Variants in SYNDIG1L observed in about 807,000 individuals in gnomAD.
The protein encoded by SYNDIG1L is synapse differentiation-inducing gene protein 1-like.
SYNDIG1L carries 13 observed loss-of-function variants against 20.1 expected under a neutral mutation model. That is an observed-to-expected ratio of 0.65 (90% CI 0.42 to 1.03). SYNDIG1L has a LOEUF of 1.03. Ranked by LOEUF, SYNDIG1L falls within the 50% of genes least tolerant of loss-of-function variation. SYNDIG1L has a pLI of 0.00. For missense variants in SYNDIG1L, 294 were observed against 305.1 expected, an observed-to-expected ratio of 0.96 and a Z score of 0.27; for synonymous variants, 128 against 129.3, an observed-to-expected ratio of 0.99 and a Z score of 0.07.
intron 1 of SYNDIG1L, among the ~76,000 whole-genome samples, chr14:74,421,132 T>A (rs2086218090): frequency 6.6e-6 from 1 of 152,140 alleles, no homozygotes; most frequent in Admixed American, 6.5e-5. Flanking sequence ...TGAATTCATA[T>A]CCTCAGGCAG....
At chr14:74,420,379 T>G (rs1595198240) in intron 1 of SYNDIG1L, among the ~76,000 whole-genome samples, 9 of 113,924 alleles carry the variant, frequency 7.9e-5, no homozygotes, top group East Asian at 2.4e-4. Context: ...TGTGACAGAG[T>G]GAGACTCTGT....
At chr14:74,438,673 T>A in the SYNDIG1L span, among the ~76,000 whole-genome samples, 1 of 152,196 alleles carries the variant, frequency 6.6e-6, no homozygotes, top group African/African-American at 2.4e-5. Context: ...CCCTGGGCAA[T>A]CTTACATTTC....
At chr14:74,432,690 T>C in the SYNDIG1L span, among the ~76,000 whole-genome samples, 2 of 152,216 alleles carry the variant, frequency 1.3e-5, no homozygotes, top group Non-Finnish European at 2.9e-5. Flanking sequence ...ATCCTGATTC[T>C]ACTAAAAATA....
At chr14:74,478,432 T>C in the SYNDIG1L span, among the ~76,000 whole-genome samples, 3 of 152,216 alleles carry the variant, frequency 2.0e-5, no homozygotes, top group Admixed American at 6.5e-5. Context: ...ATTTCCAAAA[T>C]AGTTTAACAC....
intron 1 of SYNDIG1L, among the ~76,000 whole-genome samples, chr14:74,417,756 G>C (rs1476940653): frequency 1.3e-5 from 2 of 152,192 alleles, no homozygotes; most frequent in Non-Finnish European, 2.9e-5. Context: ...GGAGGGTTGT[G>C]ATATGTGGTA....
At position 74,423,686 on chromosome 14, in the gene SYNDIG1L, A is replaced by G. The variant is rs1307392254; in HGVS notation, c.-58+2226T>C. On this transcript the variant is annotated intron_variant, in intron 1 of 3. Transcript: ENST00000331628. ...ATCAGAGAAACTCATTTTGATTGAT[A>G]TATATATACACACACACACACACAC... 3.7e-4 allele frequency among the ~76,000 whole-genome samples: 11 copies of G among 29,658 alleles called. 1 individual carries two copies. Among genetic ancestry groups the G allele is most frequent in the Admixed American group, 3.2e-3 (9 of 2,782 alleles). 19.5% of individuals were successfully genotyped at this position (29,658 alleles called of 152,430 possible).
chr14:74,451,665 A>G, the SYNDIG1L span, among the ~76,000 whole-genome samples: 3 of 152,238 alleles, frequency 2.0e-5, no homozygotes, highest in African/African-American at 7.2e-5. Flanking sequence ...TTTTCAAATC[A>G]TATCTGATAA....
chr14:74,442,294 C>T, the SYNDIG1L span, among the ~76,000 whole-genome samples: 1 of 152,130 alleles, frequency 6.6e-6, no homozygotes, highest in Admixed American at 6.6e-5. Flanking sequence ...GTAACTGTGA[C>T]AAGTGCTACC....
the SYNDIG1L span, among the ~76,000 whole-genome samples, chr14:74,454,341 G>C: frequency 1.7e-4 from 26 of 152,200 alleles, no homozygotes; most frequent in African/African-American, 6.3e-4. Context: ...TTGATAAGCA[G>C]TTAGAATGTT....
chr14:74,440,097 G>A, the SYNDIG1L span, among the ~76,000 whole-genome samples: 2 of 151,784 alleles, frequency 1.3e-5, no homozygotes, highest in African/African-American at 2.4e-5. Flanking sequence ...AATGCATCTC[G>A]GGCTGGGCGC....
At chr14:74,422,701 C>G in intron 1 of SYNDIG1L, among the ~76,000 whole-genome samples, 1 of 111,324 alleles carries the variant, frequency 9.0e-6, no homozygotes, top group South Asian at 3.1e-4. Flanking sequence ...TTTTTTCTTT[C>G]TTTCTTTCCT....
chr14:74,475,184 T>C, the SYNDIG1L span, among the ~76,000 whole-genome samples: 15 of 151,806 alleles, frequency 9.9e-5, no homozygotes, highest in South Asian at 1.3e-3. Flanking sequence ...CTGAGCAGTT[T>C]CCATGGCTGC....
chr14:74,451,148 T>A, the SYNDIG1L span, among the ~76,000 whole-genome samples: 1 of 152,188 alleles, frequency 6.6e-6, no homozygotes, highest in East Asian at 1.9e-4. Context: ...CAAATTTAGA[T>A]GGCTGACACT....
chr14:74,433,587 G>C, the SYNDIG1L span, among the ~76,000 whole-genome samples: 3 of 152,066 alleles, frequency 2.0e-5, no homozygotes, highest in African/African-American at 7.2e-5. Context: ...GTTTCACCGT[G>C]TTGCCCAGGG....
chr14:74,468,916 T>G, the SYNDIG1L span, among the ~76,000 whole-genome samples: 9 of 152,266 alleles, frequency 5.9e-5, no homozygotes, highest in East Asian at 1.9e-4. Context: ...CCAAATAACC[T>G]CACTGTATCT....
the SYNDIG1L span, among the ~76,000 whole-genome samples, chr14:74,431,461 A>G: frequency 1.3e-5 from 2 of 152,184 alleles, no homozygotes; most frequent in Non-Finnish European, 2.9e-5. Flanking sequence ...AGGACATGAA[A>G]AAGAGTCCAT....
At chr14:74,408,697 T>C (rs2086105697) in intron 2 of SYNDIG1L, among the ~76,000 whole-genome samples, 1 of 152,114 alleles carries the variant, frequency 6.6e-6, no homozygotes, top group South Asian at 2.1e-4. Flanking sequence ...TTAAATTACA[T>C]GGAGCAATAC....
chr14:74,432,487 T>C, the SYNDIG1L span, among the ~76,000 whole-genome samples: 2 of 152,184 alleles, frequency 1.3e-5, no homozygotes, highest in Admixed American at 1.3e-4. Flanking sequence ...ATGAGAATGT[T>C]AACAGCTAGA....
the SYNDIG1L span, among the ~76,000 whole-genome samples, chr14:74,445,226 G>A: frequency 9.9e-5 from 15 of 152,080 alleles, no homozygotes; most frequent in Non-Finnish European, 1.9e-4. Context: ...ATGATTGTAA[G>A]CTTCCTGAGG....
Sources: allele counts gnomAD v4.1 joint callset (sites outside exome capture counted in the v4.1 genomes callset), GRCh38; gene constraint gnomAD v4.1.1; transcripts MANE v1.5; gene names NCBI Gene and HGNC (gene_info 2026-07-23, HGNC 2026-07-21).